The following EMSY variants were observed in gnomAD, a reference collection of about 807,000 sequenced individuals.
EMSY encodes the protein BRCA2-interacting transcriptional repressor EMSY.
In EMSY, 26 loss-of-function variants were observed where a neutral mutation model predicts 134.6. The ratio of observed to expected loss-of-function variants is 0.19; its 90% CI spans 0.14 to 0.27. The LOEUF (loss-of-function observed/expected upper bound fraction) is 0.27. EMSY is among the 10% of genes least tolerant of loss of function. The probability of loss-of-function intolerance (pLI) is 1.00; values close to 1 mark genes in which losing one functional copy is unlikely to be tolerated. For synonymous variants in EMSY, 579 were observed against 577.8 expected, an observed-to-expected ratio of 1.00 and a Z score of -0.03; for missense variants, 1,305 against 1,611.4, an observed-to-expected ratio of 0.81 and a Z score of 3.26.
At chr11:76,451,746 CAA>C (rs1274863527) in intron 2 of EMSY, 110 bp from the exon 3 acceptor site, 6 of 507,894 alleles carry the variant, frequency 1.2e-5, no homozygotes, top group Non-Finnish European at 2.0e-5. Flanking sequence ...GAATTTAAAA[CAA>C]TATTTTTATT....
intron 4 of EMSY, among the ~76,000 whole-genome samples, chr11:76,457,233 C>A (rs1317280872): frequency 1.3e-5 from 2 of 152,140 alleles, no homozygotes; most frequent in African/African-American, 2.4e-5. Flanking sequence ...CATACAGAGT[C>A]TTAAACTCTA....
Position 76,532,406 on chromosome 11 carries a change from T to G in EMSY, c.2195-3489T>G, listed in dbSNP as rs570614980. Reference sequence around the variant, plus strand: ...TAACCTTGTGAGTGGGCCTTTTAAGTAGTAAGTAGTATACACCTAGATATG... The same window carrying G: ...TAACCTTGTGAGTGGGCCTTTTAAGGAGTAAGTAGTATACACCTAGATATG... On this transcript the variant is annotated intron_variant, in intron 14 of 20. Transcript: ENST00000334736. Among the ~76,000 whole-genome samples, 4 of 151,432 alleles carry G rather than the reference T, an allele frequency of 2.6e-5. No homozygotes were observed. The East Asian group carries it at 7.8e-4, about 29-fold the overall frequency.
At chr11:76,455,565 C>G (rs928226722) in intron 4 of EMSY, among the ~76,000 whole-genome samples, 44 of 152,172 alleles carry the variant, frequency 2.9e-4, no homozygotes, top group African/African-American at 9.1e-4. Flanking sequence ...CCCCTCCCCC[C>G]ACTCAAAATA....
intron 8 of EMSY, among the ~76,000 whole-genome samples, chr11:76,481,708 C>T (rs1002893047): frequency 9.9e-5 from 15 of 152,220 alleles, no homozygotes; most frequent in Non-Finnish European, 2.1e-4. Flanking sequence ...TTCCTCCTCT[C>T]TGGGCAGGGC....
intron 11 of EMSY, among the ~76,000 whole-genome samples, chr11:76,517,902 A>T (rs1950502769): frequency 6.6e-6 from 1 of 152,122 alleles, no homozygotes; most frequent in African/African-American, 2.4e-5. Flanking sequence ...CTTCATTGAC[A>T]CTTTTATTCC....
chr11:76,550,293 A>T, exon 21 of EMSY: 1 of 514,484 alleles, frequency 1.9e-6, no homozygotes, highest in Non-Finnish European at 3.0e-6. Flanking sequence ...ATGTTGCTGC[A>T]GGAGCAGCTT....
exon 21 of EMSY, chr11:76,550,179 C>T: frequency 2.0e-6 from 3 of 1,507,812 alleles, no homozygotes; most frequent in Non-Finnish European, 1.8e-6. Context: ...TTAAAACCTG[C>T]TTGGTTACCA....
At chr11:76,544,301 C>G in exon 19 of EMSY, 1 of 1,614,176 alleles carries the variant, frequency 6.2e-7, no homozygotes, top group Non-Finnish European at 8.5e-7. Flanking sequence ...CAGCGAGGAA[C>G]TTGGAACTGA....
At chr11:76,446,174 C>T (rs183498755) in intron 1 of EMSY, among the ~76,000 whole-genome samples, 10 of 152,064 alleles carry the variant, frequency 6.6e-5, no homozygotes, top group Admixed American at 6.5e-4. Context: ...CCCCCAGAGC[C>T]GTGTCTTTTT....
exon 7 of EMSY, chr11:76,463,878 C>T (rs1332442195): frequency 6.2e-7 from 1 of 1,614,186 alleles, no homozygotes; most frequent in Non-Finnish European, 8.5e-7. Flanking sequence ...ACAAACTCTT[C>T]CAGCTCCTCT....
intron 8 of EMSY, among the ~76,000 whole-genome samples, chr11:76,487,368 TA>T (rs1357595534): frequency 6.6e-6 from 1 of 152,196 alleles, no homozygotes; most frequent in Non-Finnish European, 1.5e-5. Context: ...CACAATATCA[TA>T]GGTATAGACT....
chr11:76,453,402 C>T lies in EMSY; in HGVS notation c.245+14C>T, dbSNP rs200338647. 2.4e-5 allele frequency: 38 copies of T among 1,608,442 alleles called. No homozygotes were observed. The highest frequency in any genetic ancestry group is 5.3e-5 in the African/African-American group (4 of 74,776). On this transcript the variant is annotated intron_variant, in intron 4 of 20. Transcript: ENST00000334736. ...AATTGCACATAAGTAAGCCATTAGT[C>T]GTACCATCCCTGATTTTTTATGACA... is the stretch of plus-strand genomic sequence containing the variant.
At chr11:76,552,569 TTAAAG>T (rs1951861582), downstream of EMSY, 1 of 152,230 alleles carries the variant, frequency 6.6e-6, no homozygotes, top group Non-Finnish European at 1.5e-5. Context: ...TCCATTTGGC[TTAAAG>T]TAAACTTTAA....
At chr11:76,491,692 G>A (rs965046532) in intron 8 of EMSY, among the ~76,000 whole-genome samples, 1 of 152,234 alleles carries the variant, frequency 6.6e-6, no homozygotes, top group African/African-American at 2.4e-5. Flanking sequence ...CACCGTGGAA[G>A]CCCACTTTAT....
chr11:76,523,236 C>G, exon 12 of EMSY: 2 of 1,613,760 alleles, frequency 1.2e-6, no homozygotes, highest in Non-Finnish European at 1.7e-6. Flanking sequence ...GGAAAAGGAA[C>G]GACCATTCAA....
intron 13 of EMSY, among the ~76,000 whole-genome samples, chr11:76,526,964 A>G (rs990698985): frequency 6.6e-6 from 1 of 152,164 alleles, no homozygotes; most frequent in Non-Finnish European, 1.5e-5. Context: ...CACTCAAAGA[A>G]AAATATTTAC....
chr11:76,512,967 T>C (rs1380235637), intron 9 of EMSY, among the ~76,000 whole-genome samples: 1 of 152,082 alleles, frequency 6.6e-6, no homozygotes, highest in Non-Finnish European at 1.5e-5. Flanking sequence ...GTTTAAGGAG[T>C]TGTGTGAATA....
chr11:76,510,066 A>G (rs113828164), intron 9 of EMSY, among the ~76,000 whole-genome samples: 5 of 152,342 alleles, frequency 3.3e-5, no homozygotes, highest in African/African-American at 1.2e-4. Flanking sequence ...AAAAAAATTA[A>G]TAAACTGGCT....
intron 9 of EMSY, 139 bp from the exon 11 acceptor site, chr11:76,513,247 A>G: frequency 1.7e-6 from 1 of 598,354 alleles, no homozygotes; most frequent in Non-Finnish European, 2.6e-6. Context: ...ATAAAAGTTT[A>G]GAGTTTCATC....
Sources: allele counts gnomAD v4.1 joint callset (sites outside exome capture counted in the v4.1 genomes callset), GRCh38; gene constraint gnomAD v4.1.1; transcripts MANE v1.5; gene names NCBI Gene and HGNC (gene_info 2026-07-23, HGNC 2026-07-21).